KCNN2: variants seen among roughly 807,000 people sequenced by gnomAD.
The protein encoded by KCNN2 is small conductance calcium-activated potassium channel protein 2.
In KCNN2, 24 loss-of-function variants were observed where a neutral mutation model predicts 55.5. The ratio of observed to expected loss-of-function variants is 0.43; its 90% CI spans 0.31 to 0.61. The LOEUF is 0.61. KCNN2 is among the 20% of genes least tolerant of loss of function. KCNN2 has a pLI of 0.08. For missense variants in KCNN2, 754 were observed against 853.6 expected (o/e 0.88, Z 1.45); for synonymous variants, 431 against 336.1 (o/e 1.28, Z -3.09).
At chr5:114,087,835 A>G (rs1401924703) in intron 1 of KCNN2, among the ~76,000 whole-genome samples, 1 of 151,924 alleles carries the variant, frequency 6.6e-6, no homozygotes, top group Non-Finnish European at 1.5e-5. Context: ...CTCACTGTCT[A>G]CCTTTAAATA....
intron 6 of KCNN2, among the ~76,000 whole-genome samples, chr5:114,488,429 G>T (rs192549479): frequency 1.3e-5 from 2 of 152,230 alleles, no homozygotes; most frequent in Non-Finnish European, 2.9e-5. Context: ...AAAACACAAG[G>T]TTAGAGTTTT....
At chr5:114,319,233 G>A (rs1490554140) in intron 2 of KCNN2, among the ~76,000 whole-genome samples, 2 of 152,130 alleles carry the variant, frequency 1.3e-5, no homozygotes, top group Non-Finnish European at 2.9e-5. Context: ...GGTCTTATCT[G>A]CACACTGAGG....
At chr5:114,069,701 C>A (rs564711358) in intron 1 of KCNN2, among the ~76,000 whole-genome samples, 1 of 152,298 alleles carries the variant, frequency 6.6e-6, no homozygotes, top group African/African-American at 2.4e-5. Flanking sequence ...CCTGCCTCTA[C>A]AGGTCTTAAA....
intron 2 of KCNN2, among the ~76,000 whole-genome samples, chr5:114,347,332 G>A (rs867260099): frequency 3.3e-4 from 50 of 152,166 alleles, no homozygotes; most frequent in Admixed American, 1.3e-3. Context: ...AGACACCATT[G>A]TCACCAAGTG....
intron 2 of KCNN2, among the ~76,000 whole-genome samples, chr5:114,317,051 TC>T (rs1392608959): frequency 6.6e-6 from 1 of 152,214 alleles, no homozygotes; most frequent in Non-Finnish European, 1.5e-5. Flanking sequence ...TGCAGCTTTT[TC>T]CCAGATTTTT....
Position 114,362,534 on chromosome 5 carries a change from C to A in KCNN2, c.395C>A (p.Pro132Gln). Residue 132 changes from proline (P) to glutamine (Q), a missense_variant, in exon 1 of 8, where the codon CCG becomes CAG. Coordinates refer to ENST00000673685, the MANE Select transcript of KCNN2 (RefSeq NM_021614.4). Reference sequence around the variant, plus strand: ...CAGCTCAATGTGAGCGAGCTGACGCCGTCCAGCCATGCCAGTGCGCTCCGG... The same window carrying A: ...CAGCTCAATGTGAGCGAGCTGACGCAGTCCAGCCATGCCAGTGCGCTCCGG... ...GSQLNVSELT[P>Q]SSHASALRQQ... is the part of the protein sequence containing the mutation. 6 of 548,352 alleles carry A rather than the reference C, an allele frequency of 1.1e-5. No homozygotes were observed. Among genetic ancestry groups the A allele is most frequent in the Non-Finnish European group, 1.9e-5 (6 of 323,088 alleles). The allele number at this position is 548,352 out of a possible 1,614,324, so 34.0% of individuals were successfully genotyped here.
chr5:114,248,232 C>T (rs554263724), intron 2 of KCNN2, among the ~76,000 whole-genome samples: 6 of 152,136 alleles, frequency 3.9e-5, no homozygotes, highest in Non-Finnish European at 8.8e-5. Context: ...ATTATTTCAG[C>T]TTGAGAGTTG....
At chr5:114,388,002 C>T (rs573473000) in intron 2 of KCNN2, among the ~76,000 whole-genome samples, 31 of 152,338 alleles carry the variant, frequency 2.0e-4, no homozygotes, top group African/African-American at 7.0e-4. Flanking sequence ...CATATCCTTC[C>T]GTTCCATGCT....
At chr5:114,475,877 T>TGTAA (rs1465593353) in intron 5 of KCNN2, among the ~76,000 whole-genome samples, 3 of 152,290 alleles carry the variant, frequency 2.0e-5, no homozygotes, top group South Asian at 4.1e-4. Context: ...GCTTTTTTGT[T>TGTAA]GTAAGTTCTT....
At chr5:114,079,275 A>T (rs1042945716) in intron 1 of KCNN2, among the ~76,000 whole-genome samples, 3 of 152,220 alleles carry the variant, frequency 2.0e-5, no homozygotes, top group African/African-American at 7.2e-5. Flanking sequence ...TCTAATAAAA[A>T]CTTTGAATCC....
chr5:114,379,436 T>C (rs957621106), intron 2 of KCNN2, among the ~76,000 whole-genome samples: 1 of 137,846 alleles, frequency 7.3e-6, no homozygotes, highest in Non-Finnish European at 1.6e-5. Flanking sequence ...TTATATAACA[T>C]ATTATATATT....
At chr5:114,295,312 C>T (rs1755986073) in intron 2 of KCNN2, among the ~76,000 whole-genome samples, 1 of 152,208 alleles carries the variant, frequency 6.6e-6, no homozygotes, top group Admixed American at 6.5e-5. Context: ...GTGGAGCCTA[C>T]AGAGGCAGGA....
rs574760380 is a variant in KCNN2 at position 114,269,154 on chromosome 5, A to C, written c.-185+47589A>C. Among the ~76,000 whole-genome samples, 3 of 152,290 alleles carry C rather than the reference A, an allele frequency of 2.0e-5. No individual in the cohort carries two copies. In the South Asian group the frequency reaches 6.2e-4, roughly 32 times the overall value. Reference sequence around the variant, plus strand: ...GCATTTAGAAAAGTCAAGTTTTTCTAAGCAGTTAGATGCTGTATTCTATAA... The same window carrying C: ...GCATTTAGAAAAGTCAAGTTTTTCTCAGCAGTTAGATGCTGTATTCTATAA... On this transcript the variant is annotated intron_variant, in intron 2 of 10. Transcript: ENST00000512097.
chr5:114,285,284 A>AG lies in KCNN2; in HGVS notation c.-185+63719_-185+63720insG, dbSNP rs528756689. Reference sequence around the variant, plus strand: ...GGTGACACAGCGAGACTCCATCTCCAAAAAAAAAAAAAAAAAAAAAAAGAG... The same window carrying AG: ...GGTGACACAGCGAGACTCCATCTCCAGAAAAAAAAAAAAAAAAAAAAAAGAG... On this transcript the variant is annotated intron_variant, in intron 2 of 10. Transcript: ENST00000512097. 0.035 allele frequency among the ~76,000 whole-genome samples: 478 copies of AG among 13,852 alleles called. 7 individuals are homozygous for AG. The East Asian group carries it at 0.47, about 14-fold the overall frequency. The allele number at this position is 13,852 out of a possible 152,430, so 9.1% of individuals were successfully genotyped here.
chr5:114,108,580 T>C (rs907156383), intron 1 of KCNN2, among the ~76,000 whole-genome samples: 1 of 152,110 alleles, frequency 6.6e-6, no homozygotes, highest in Non-Finnish European at 1.5e-5. Context: ...AGTTTTTCCT[T>C]TTCCTGAACT....
At chr5:114,312,286 C>G (rs1756403369) in intron 2 of KCNN2, among the ~76,000 whole-genome samples, 1 of 150,646 alleles carries the variant, frequency 6.6e-6, no homozygotes, top group Non-Finnish European at 1.5e-5. Context: ...ATTTGGCAAC[C>G]AATGCAATAA....
intron 2 of KCNN2, among the ~76,000 whole-genome samples, chr5:114,326,152 G>A (rs1238875761): frequency 6.6e-6 from 1 of 152,200 alleles, no homozygotes; most frequent in Non-Finnish European, 1.5e-5. Flanking sequence ...TGATATTTGT[G>A]TGAAGGAGTG....
chr5:114,074,985 A>G (rs1750656885), intron 1 of KCNN2, among the ~76,000 whole-genome samples: 1 of 152,188 alleles, frequency 6.6e-6, no homozygotes, highest in African/African-American at 2.4e-5. Flanking sequence ...CACCAGACAC[A>G]AGAAGGCAGG....
chr5:114,348,780 G>C (rs948715083), intron 2 of KCNN2, among the ~76,000 whole-genome samples: 1 of 152,018 alleles, frequency 6.6e-6, no homozygotes, highest in Non-Finnish European at 1.5e-5. Context: ...ACTGTTTCTT[G>C]TTCTTCCTAA....
Sources: gnomAD v4.1 joint callset for allele counts (sites outside exome capture counted in the v4.1 genomes callset) on GRCh38, gnomAD v4.1.1 for gene constraint, MANE v1.5 for transcripts, NCBI Gene and HGNC (gene_info 2026-07-23, HGNC 2026-07-21) for gene names.